MICAL2: variants seen among roughly 807,000 people sequenced by gnomAD.
MICAL2 encodes the protein microtubule associated monooxygenase, calponin and LIM domain containing 2.
MICAL2 carries 77 observed loss-of-function variants against 127.3 expected under a neutral mutation model. The ratio of observed to expected loss-of-function variants is 0.60; its 90% CI spans 0.50 to 0.73. The LOEUF (loss-of-function observed/expected upper bound fraction) is 0.73, where lower values mean the gene tolerates loss of function less well. Ranked by LOEUF, MICAL2 falls within the 30% of genes least tolerant of loss-of-function variation. The pLI, the probability that MICAL2 is intolerant of heterozygous loss-of-function variation, is 0.00. For synonymous variants in MICAL2, 570 were observed against 551.1 expected, an observed-to-expected ratio of 1.03 and a Z score of -0.48; for missense variants, 1,351 against 1,434.4, an observed-to-expected ratio of 0.94 and a Z score of 0.94.
rs542824101 is a variant in MICAL2, at chr11:12,127,713, T to C, written c.-148-10677T>C. On this transcript the variant is annotated intron_variant, in intron 1 of 27. Coordinates refer to ENST00000683283, the MANE Select transcript of MICAL2 (RefSeq NM_001282663.2). ...CTGTTGGGGGTCTTTGACTAGGCAG[T>C]AGGGAGTCTTTGAGTGCTCTTGAGC... is the stretch of plus-strand genomic sequence containing the variant. Among the ~76,000 whole-genome samples the C allele has an allele frequency of 2.6e-5, 4 of 152,236 alleles. No homozygotes were observed. The East Asian group carries it at 7.7e-4, about 29-fold the overall frequency.
At chr11:12,304,375 A>G (rs1864083912) in intron 29 of MICAL2, among the ~76,000 whole-genome samples, 4 of 152,144 alleles carry the variant, frequency 2.6e-5, no homozygotes, top group Non-Finnish European at 5.9e-5. Flanking sequence ...TTACACCTAT[A>G]ATCCCAGCAC....
At chr11:12,170,791 A>G (rs530553221) in intron 3 of MICAL2, among the ~76,000 whole-genome samples, 5 of 151,948 alleles carry the variant, frequency 3.3e-5, no homozygotes, top group Admixed American at 2.0e-4. Context: ...TCCTATTGCT[A>G]TCTTGCTGAT....
intron 3 of MICAL2, among the ~76,000 whole-genome samples, chr11:12,195,324 T>A (rs146345761): frequency 1.3e-5 from 2 of 152,322 alleles, no homozygotes; most frequent in East Asian, 3.9e-4. Flanking sequence ...AGATACATGC[T>A]GAAATATTTG....
chr11:12,337,787 G>C (rs1000141321), intron 32 of MICAL2, among the ~76,000 whole-genome samples: 8 of 152,102 alleles, frequency 5.3e-5, no homozygotes, highest in African/African-American at 1.9e-4. Flanking sequence ...TTAATCCTGA[G>C]TTCTAGTTTG....
At chr11:12,239,324 T>C in intron 16 of MICAL2, 112 bp from the exon 17 acceptor site, 1 of 1,437,940 alleles carries the variant, frequency 7.0e-7, no homozygotes, top group Non-Finnish European at 9.7e-7. Context: ...CCTCAGACCA[T>C]GGAGGGAGCC....
At chr11:12,133,420 G>A (rs1851585278) in intron 1 of MICAL2, among the ~76,000 whole-genome samples, 1 of 152,160 alleles carries the variant, frequency 6.6e-6, no homozygotes, top group African/African-American at 2.4e-5. Flanking sequence ...CACACCTGAA[G>A]GTGCAGCTTC....
chr11:12,192,724 G>T (rs928553600), intron 3 of MICAL2, among the ~76,000 whole-genome samples: 6 of 152,186 alleles, frequency 3.9e-5, no homozygotes, highest in Non-Finnish European at 8.8e-5. Context: ...GTTCCAGTGA[G>T]CTGAGATCAC....
intron 32 of MICAL2, among the ~76,000 whole-genome samples, chr11:12,334,806 T>C (rs12789624): frequency 0.41 from 61,922 of 151,654 alleles, 15,304 homozygotes; most frequent in Non-Finnish European, 0.56. Flanking sequence ...TATGGCTGCA[T>C]AGTATTCCAT....
chr11:12,112,067 T>A (rs1025524803), intron 1 of MICAL2, among the ~76,000 whole-genome samples: 2 of 152,152 alleles, frequency 1.3e-5, no homozygotes, highest in African/African-American at 2.4e-5. Flanking sequence ...GCCCTCCCCA[T>A]TTTAGAGATG....
chr11:12,226,046 C>A, intron 13 of MICAL2, 125 bp from the exon 14 acceptor site: 1 of 867,084 alleles, frequency 1.2e-6, no homozygotes, highest in Non-Finnish European at 1.9e-6. Flanking sequence ...CACTATTCCT[C>A]CCCTGTAACC....
downstream of MICAL2, chr11:12,294,064 C>T (rs199972679): frequency 3.4e-4 from 547 of 1,613,978 alleles, no homozygotes; most frequent in Non-Finnish European, 4.6e-4. Flanking sequence ...AGCGAATTTC[C>T]CAGAAAAGTG....
rs747242865 is a variant in MICAL2 at position 12,204,301 on chromosome 11, G to T, written c.316G>T (p.Ala106Ser). 3 of 1,614,000 alleles carry T rather than the reference G, an allele frequency of 1.9e-6. No homozygotes were observed. The African/African-American group carries it at 4.0e-5, about 22-fold the overall frequency. Residue 106 changes from alanine to serine, a missense_variant, in exon 4 of 28, where the codon GCC (alanine) becomes TCC (serine). Transcript: ENST00000683283. The part of the protein sequence containing the change: ...PCGLRTAIEL[A>S]YLGAKVVVVE... Reference sequence around the variant, plus strand: ...TGGCTTGCGCACTGCCATTGAACTTGCCTACCTGGGAGCCAAAGTGGTCGT... The same window carrying T: ...TGGCTTGCGCACTGCCATTGAACTTTCCTACCTGGGAGCCAAAGTGGTCGT...
intron 26 of MICAL2, chr11:12,260,965 C>T (rs1863034719): frequency 1.0e-6 from 1 of 985,488 alleles, no homozygotes; most frequent in African/African-American, 1.7e-5. Context: ...GACCATGGAG[C>T]TGATGCAGTG....
chr11:12,263,181 C>T (rs1367328432), intron 27 of MICAL2: 1 of 152,256 alleles, frequency 6.6e-6, no homozygotes, highest in Non-Finnish European at 1.5e-5. Context: ...TCTCCCTTGG[C>T]TCATAAAGCC....
intron 32 of MICAL2, among the ~76,000 whole-genome samples, chr11:12,347,772 T>C (rs189902144): frequency 3.2e-4 from 48 of 152,244 alleles, no homozygotes; most frequent in Non-Finnish European, 6.8e-4. Context: ...TATATGCAAA[T>C]ACAGTCACCT....
chr11:12,292,212 C>T (rs1447513812), downstream of MICAL2: 1 of 1,614,084 alleles, frequency 6.2e-7, no homozygotes, highest in Non-Finnish European at 8.5e-7. Context: ...CCTCTTCCTT[C>T]ATCGTCTTCC....
intron 32 of MICAL2, among the ~76,000 whole-genome samples, chr11:12,341,611 A>G (rs1938867227): frequency 6.6e-6 from 1 of 152,056 alleles, no homozygotes; most frequent in African/African-American, 2.4e-5. Context: ...CAGATTACCT[A>G]AGGTCAGGAG....
At chr11:12,282,148 A>G (rs902199756) in intron 2 of MICAL2, among the ~76,000 whole-genome samples, 2 of 152,200 alleles carry the variant, frequency 1.3e-5, no homozygotes, top group African/African-American at 4.8e-5. Flanking sequence ...AAATCCTGGA[A>G]TTGTTGAATT....
intron 3 of MICAL2, among the ~76,000 whole-genome samples, chr11:12,195,650 G>A (rs972815024): frequency 4.0e-5 from 6 of 150,328 alleles, no homozygotes; most frequent in African/African-American, 1.2e-4. Flanking sequence ...TGGAAAACTA[G>A]AGTTGAATAT....
Sources: allele counts gnomAD v4.1 joint callset (sites outside exome capture counted in the v4.1 genomes callset), GRCh38; gene constraint gnomAD v4.1.1; transcripts MANE v1.5; gene names NCBI Gene and HGNC (gene_info 2026-07-23, HGNC 2026-07-21).